DPEP3: variants seen among roughly 807,000 people sequenced by gnomAD.
The protein encoded by DPEP3 is dipeptidase 3, also known as membrane-bound dipeptidase 3.
Under a neutral mutation model 47.5 loss-of-function variants are expected in DPEP3, and 42 were observed. That is an observed-to-expected ratio of 0.88 (90% CI 0.69 to 1.14). The LOEUF is 1.14. Among genes scored for constraint, DPEP3 ranks in the 50% most tolerant of loss-of-function variants. The probability of loss-of-function intolerance (pLI) is 0.00; values close to 1 mark genes in which losing one functional copy is unlikely to be tolerated. For synonymous variants in DPEP3, 276 were observed against 270.2 expected, an observed-to-expected ratio of 1.02 and a Z score of -0.21; for missense variants, 560 against 635.0, an observed-to-expected ratio of 0.88 and a Z score of 1.27.
chr16:67,979,392 G>C (rs554311287), intron 2 of DPEP3, among the ~76,000 whole-genome samples: 3 of 152,360 alleles, frequency 2.0e-5, no homozygotes, highest in African/African-American at 7.2e-5. Flanking sequence ...TATGTCCTTT[G>C]TGGTTACGGC....
At position 67,977,752 on chromosome 16, in the gene DPEP3, G is replaced by T; in HGVS notation, c.834C>A (p.Val278=). ...TCACAGGAGCCTGAGACACTTCCAG[G>T]ACCCTTCTTATCAAGGTGTCCGATG... ...SYASDTLIRR[V]LEVSQAPVIF... The change falls in exon 6 of 10, where the codon GTC becomes GTA. Residue 278 remains valine, a synonymous_variant. Coordinates refer to ENST00000268793, the MANE Select transcript of DPEP3 (RefSeq NM_001370198.1). 6.2e-7 allele frequency: 1 copy of T among 1,613,748 alleles called. No homozygotes were observed. The highest frequency in any genetic ancestry group is 8.5e-7 in the Non-Finnish European group (1 of 1,179,792).
intron 7 of DPEP3, 99 bp downstream of exon 7, chr16:67,977,171 C>T (rs1203144919): frequency 2.8e-6 from 3 of 1,066,246 alleles, no homozygotes; most frequent in African/African-American, 3.1e-5. Context: ...GGGAGGTCTG[C>T]CCATTGCCCA....
chr16:67,977,886 A>G (rs2151349395), intron 5 of DPEP3, 52 bp downstream of exon 5: 5 of 1,613,892 alleles, frequency 3.1e-6, no homozygotes, highest in Admixed American at 1.7e-5. Flanking sequence ...AAAGGTGTAC[A>G]CACATATCCG....
chr16:67,976,840 G>GTGCCACAGCTGAT, intron 7 of DPEP3, 65 bp from the exon 8 acceptor site: 1 of 1,404,608 alleles, frequency 7.1e-7, no homozygotes, highest in South Asian at 1.2e-5. Flanking sequence ...CCTGTCCCCA[G>GTGCCACAGCTGAT]CACTCCAGGC....
chr16:67,980,309 T>C lies in DPEP3; in HGVS notation c.72A>G (p.Leu24=). The change falls in exon 1 of 10, where the codon CTA becomes CTG. Residue 24 remains leucine (L), a synonymous_variant. Transcript: ENST00000268793. The part of the protein sequence containing the change: ...RRYLRRLLLL[L]LLLLLRQPVT... The stretch of plus-strand genomic sequence containing the variant: ...CGGGCTGCCGCAGCAGCAGCAGCAG[T>C]AGCAGGAGCAGCAGACGCCGCAGAT... 2 of 1,564,646 alleles carry C rather than the reference T, an allele frequency of 1.3e-6. No homozygotes were observed. The highest frequency in any genetic ancestry group is 1.7e-6 in the Non-Finnish European group (2 of 1,156,470).
rs1278692656 is a variant in DPEP3 at position 67,978,851 on chromosome 16, G to A, written c.415-225C>T. ...CTGTCACCCAGGCTAGAGTGCAGTG[G>A]TGTGATCATGGCTCACTGCAGCCTT... On this transcript the variant is annotated intron_variant, in intron 2 of 9. Coordinates refer to ENST00000268793, the MANE Select transcript of DPEP3 (RefSeq NM_001370198.1). This position sits in a 1 kb window ranked among gnomAD's most constrained non-coding sequence, Gnocchi z 4.4. Among the ~76,000 whole-genome samples, 1 of 151,998 alleles carries A rather than the reference G, an allele frequency of 6.6e-6. No homozygotes were observed. The highest frequency in any genetic ancestry group is 1.9e-4 in the East Asian group (1 of 5,194).
At chr16:67,977,506 T>A in intron 6 of DPEP3, 147 bp downstream of exon 6, 1 of 1,280,198 alleles carries the variant, frequency 7.8e-7, no homozygotes, top group Non-Finnish European at 1.1e-6. Context: ...TGAGTGGAAA[T>A]TACTTGGCCT....
chr16:67,978,621 C>T lies in DPEP3; in HGVS notation c.420G>A (p.Trp140Ter). The T allele has an allele frequency of 1.9e-6, 3 of 1,613,726 alleles. No individual in the cohort carries two copies. Among genetic ancestry groups the T allele is most frequent in the Non-Finnish European group, 2.5e-6 (3 of 1,179,822 alleles). The change falls in exon 3 of 10, where the codon TGG becomes TGA. Residue 140 changes from tryptophan to a stop codon, truncating the protein, a stop_gained. Coordinates refer to ENST00000268793, the MANE Select transcript of DPEP3 (RefSeq NM_001370198.1). LOFTEE classifies it high-confidence loss of function. The surrounding 1 kb of genome is among the most constrained non-coding windows in gnomAD (Gnocchi z 4.4). Reference sequence around the variant, plus strand: ...GGGACTGGCATGAGACGGAGGCTGACCAGAACTGAGGGTAGGTCAAGGGGT... The same window carrying T: ...GGGACTGGCATGAGACGGAGGCTGATCAGAACTGAGGGTAGGTCAAGGGGT... ...LRDGLVGAQF[W>*]SASVSCQSQD...
In DPEP3 at chr16:67,978,748, A is replaced by C; in HGVS notation, c.415-122T>G. On this transcript the variant is annotated intron_variant, in intron 2 of 9. Coordinates refer to ENST00000268793, the MANE Select transcript of DPEP3 (RefSeq NM_001370198.1). This position sits in a 1 kb window ranked among gnomAD's most constrained non-coding sequence, Gnocchi z 4.4. ...TCAGTGGCCCCAAGTGAGGCACTAC[A>C]TGACTCCATGGTACCTTGATGACTT... 3 of 1,096,976 alleles carry C rather than the reference A, an allele frequency of 2.7e-6. No individual in the cohort carries two copies. The highest frequency in any genetic ancestry group is 2.4e-5 in the East Asian group (1 of 41,772). 68.0% of individuals were successfully genotyped at this position (1,096,976 alleles called of 1,614,324 possible).
Position 67,980,201 on chromosome 16 carries a change from G to T in DPEP3, c.180C>A (p.Val60=). The T allele has an allele frequency of 6.2e-7, 1 of 1,610,356 alleles. No individual in the cohort carries two copies. Among genetic ancestry groups the T allele is most frequent in the Non-Finnish European group, 8.5e-7 (1 of 1,178,352 alleles). ...GSPSLFTTPG[V]PSALTTPGLT... is the part of the protein sequence containing the mutation. The stretch of plus-strand genomic sequence containing the variant: ...GGCCTGGGGTAGTGAGGGCGCTGGG[G>T]ACACCCGGCGTGGTGAAGAGGCTGG... The change falls in exon 1 of 10, where the codon GTC becomes GTA. Residue 60 remains valine (V), a synonymous_variant. Coordinates refer to ENST00000268793, the MANE Select transcript of DPEP3 (RefSeq NM_001370198.1).
In DPEP3 at chr16:67,978,638, T is replaced by C. The variant is rs780500811; in HGVS notation, c.415-12A>G. On this transcript the variant is annotated splice_polypyrimidine_tract_variant and intron_variant, in intron 2 of 9. Coordinates refer to ENST00000268793, the MANE Select transcript of DPEP3 (RefSeq NM_001370198.1). This position sits in a 1 kb window ranked among gnomAD's most constrained non-coding sequence, Gnocchi z 4.4. ...GAGGCTGACCAGAACTGAGGGTAGG[T>C]CAAGGGGTCCAGAATGAGGCCAGGG... is the stretch of plus-strand genomic sequence containing the variant. The C allele has an allele frequency of 2.5e-5, 41 of 1,613,492 alleles. No individual in the cohort carries two copies. Among genetic ancestry groups the C allele is most frequent in the Non-Finnish European group, 3.5e-5 (41 of 1,179,752 alleles).
At chr16:67,979,829 G>C (rs1018373878) in intron 1 of DPEP3, 64 bp from the exon 2 acceptor site, 3 of 1,593,814 alleles carry the variant, frequency 1.9e-6, no homozygotes, top group Middle Eastern at 1.7e-4. Context: ...TCAGGTGCTT[G>C]GGTCTACCCT....
rs755341288 is a variant in DPEP3, at chr16:67,979,734, G to A, written c.319C>T (p.Arg107Cys). The A allele has an allele frequency of 7.4e-6, 12 of 1,614,030 alleles. No individual in the cohort carries two copies. The highest frequency in any genetic ancestry group is 2.2e-5 in the East Asian group (1 of 44,888). ...ACATCCTGAAGCACATTCTTGTAAC[G>A]CTGTCTCAGGACCTGGGGCAGGTCA... ...HNDLPQVLRQ[R>C]YKNVLQDVNL... Residue 107 changes from arginine (R) to cysteine (C), a missense_variant, in exon 2 of 10, where the codon CGT becomes TGT. Physicochemically the swap from Arg to Cys is radical, Grantham distance 180. Transcript: ENST00000268793.
chr16:67,975,724 G>C lies in DPEP3; in HGVS notation c.*41C>G, dbSNP rs772023268. The C allele has an allele frequency of 1.3e-6, 2 of 1,558,614 alleles. No individual in the cohort carries two copies. The highest frequency in any genetic ancestry group is 1.7e-6 in the Non-Finnish European group (2 of 1,143,916). On this transcript the variant is annotated 3_prime_UTR_variant, in exon 10 of 10. Coordinates refer to ENST00000268793, the MANE Select transcript of DPEP3 (RefSeq NM_001370198.1). ...TGAATGAACTAGGAGAGGGGGCTTT[G>C]TGAGGCTTTGCCACAGTGACCTCTG... is the stretch of plus-strand genomic sequence containing the variant.
chr16:67,977,872 G>T, intron 5 of DPEP3, 43 bp from the exon 6 acceptor site: 1 of 1,613,836 alleles, frequency 6.2e-7, no homozygotes, highest in Non-Finnish European at 8.5e-7. Context: ...GGGTGTTGGG[G>T]TGCAAAGGTG....
At position 67,979,502 on chromosome 16, in the gene DPEP3, C is replaced by T; in HGVS notation, c.414+137G>A. On this transcript the variant is annotated intron_variant, in intron 2 of 9. Transcript: ENST00000268793. ...GCCTGTCTTGGCCTCCAAGGCCCCA[C>T]TCTCCTTAGAAACCACATGATGGCA... 2.2e-6 allele frequency: 3 copies of T among 1,350,812 alleles called. No homozygotes were observed. The East Asian group carries it at 7.4e-5, about 33-fold the overall frequency. 83.7% of individuals were successfully genotyped at this position (1,350,812 alleles called of 1,614,324 possible).
rs548170716 is a variant in DPEP3 at position 67,978,060 on chromosome 16, C to G, written c.687-53G>C. ...TAGCTGATCACACCTTGGGCCATCACAGCCTGGGGGCCCTGGCTCTATCCA... is the reference window on the plus strand; with the variant it reads ...TAGCTGATCACACCTTGGGCCATCAGAGCCTGGGGGCCCTGGCTCTATCCA... On this transcript the variant is annotated intron_variant, in intron 4 of 9. Coordinates refer to ENST00000268793, the MANE Select transcript of DPEP3 (RefSeq NM_001370198.1). This position sits in a 1 kb window ranked among gnomAD's most constrained non-coding sequence, Gnocchi z 4.4. 7.1e-5 allele frequency: 114 copies of G among 1,604,300 alleles called. 1 individual carries two copies. In the South Asian group the frequency reaches 1.1e-3, roughly 16 times the overall value.
In DPEP3 at chr16:67,979,646, C is replaced by G. The variant is rs767020082; in HGVS notation, c.407G>C (p.Gly136Ala). The G allele has an allele frequency of 6.2e-6, 10 of 1,613,720 alleles. No homozygotes were observed. The highest frequency in any genetic ancestry group is 6.8e-6 in the Non-Finnish European group (8 of 1,179,966). The change falls in exon 2 of 10, where the codon GGT becomes GCT. Residue 136 changes from glycine (G) to alanine (A), a missense_variant. Physicochemically the swap from Gly to Ala is moderately conservative, Grantham distance 60. Coordinates refer to ENST00000268793, the MANE Select transcript of DPEP3 (RefSeq NM_001370198.1). ...SLDRLRDGLVGAQFWSASVSC... is the reference protein window; with the variant it reads ...SLDRLRDGLVAAQFWSASVSC... ...TGTGTGTCCCTGTGGTACCTGGGCACCCACGAGGCCGTCTCTAAGCCTGTC... is the reference window on the plus strand; with the variant it reads ...TGTGTGTCCCTGTGGTACCTGGGCAGCCACGAGGCCGTCTCTAAGCCTGTC...
chr16:67,978,716 A>T lies in DPEP3; in HGVS notation c.415-90T>A. 1 of 1,534,668 alleles carries T rather than the reference A, an allele frequency of 6.5e-7. No individual in the cohort carries two copies. The highest frequency in any genetic ancestry group is 1.4e-5 in the African/African-American group (1 of 73,062). On this transcript the variant is annotated intron_variant, in intron 2 of 9. Transcript: ENST00000268793. This position sits in a 1 kb window ranked among gnomAD's most constrained non-coding sequence, Gnocchi z 4.4. ...TCCTGCCTCAGACCCCATAACACCC[A>T]TTTGGGTCAGTGGCCCCAAGTGAGG...
Sources: gnomAD v4.1 joint callset for allele counts (sites outside exome capture counted in the v4.1 genomes callset) on GRCh38, gnomAD v4.1.1 for gene constraint, Gnocchi (gnomAD v3.1) non-coding constraint, MANE v1.5 for transcripts, NCBI Gene and HGNC (gene_info 2026-07-23, HGNC 2026-07-21) for gene names.